Variants in SPTBN5 observed in about 807,000 individuals in gnomAD.
SPTBN5 encodes spectrin beta, non-erythrocytic 5, also known as spectrin beta chain, non-erythrocytic 5.
A neutral mutation model predicts 477.6 loss-of-function variants in SPTBN5; 513 were observed. The ratio of observed to expected loss-of-function variants is 1.07; its 90% confidence interval spans 1.00 to 1.16. The LOEUF (loss-of-function observed/expected upper bound fraction) is 1.16. Among genes scored for constraint, SPTBN5 ranks in the 50% most tolerant of loss-of-function variants. The probability of loss-of-function intolerance (pLI) is 0.00; values close to 1 mark genes in which losing one functional copy is unlikely to be tolerated. For synonymous variants in SPTBN5, 2,169 were observed against 2,011.7 expected, an observed-to-expected ratio of 1.08 and a Z score of -2.09; for missense variants, 5,062 against 4,731.8, an observed-to-expected ratio of 1.07 and a Z score of -2.05.
In SPTBN5 at chr15:41,867,073, GTCCC is replaced by G. The variant is rs2066347543; in HGVS notation, c.6362_6365del (p.Arg2121ProfsTer11). On this transcript the variant is annotated frameshift_variant, in exon 36 of 68. Coordinates refer to ENST00000320955, the MANE Select transcript of SPTBN5 (RefSeq NM_016642.4). LOFTEE classifies it high-confidence loss of function. ...GGCGCTGCAGCAGGATGGGAAGCCGGTCCCGCACCCGGGGGCGCCGGAGCGTCTT... is the reference window on the plus strand; with the variant it reads ...GGCGCTGCAGCAGGATGGGAAGCCGGGCACCCGGGGGCGCCGGAGCGTCTT... The G allele has an allele frequency of 6.5e-7, 1 of 1,548,266 alleles. No homozygotes were observed. Among genetic ancestry groups the G allele is most frequent in the Admixed American group, 2.0e-5 (1 of 51,186 alleles).
At position 41,866,484 on chromosome 15, in the gene SPTBN5, A is replaced by G. The variant is rs554900242; in HGVS notation, c.6490T>C (p.Trp2164Arg). Residue 2164 changes from tryptophan to arginine, a missense_variant, in exon 37 of 68, where the codon TGG (tryptophan) becomes CGG (arginine). Trp to Arg is a moderately radical substitution (Grantham distance 101). Transcript: ENST00000320955. ...AGCTGCTGGGCCCACGCCTGGATCCAGTCCTCAGCCTGGTGGGGGTGGGAC... is the reference window on the plus strand; with the variant it reads ...AGCTGCTGGGCCCACGCCTGGATCCGGTCCTCAGCCTGGTGGGGGTGGGAC... The part of the protein sequence containing the change: ...FTQAATQAED[W>R]IQAWAQQLKE... The G allele has an allele frequency of 6.4e-6, 10 of 1,571,814 alleles. No homozygotes were observed. The African/African-American group carries it at 1.2e-4, about 19-fold the overall frequency.
rs765556273 is a variant in SPTBN5 at position 41,856,615 on chromosome 15, A to G, written c.8809-17T>C. 3 of 1,560,324 alleles carry G rather than the reference A, an allele frequency of 1.9e-6. No individual in the cohort carries two copies. In the South Asian group the frequency reaches 3.5e-5, roughly 18 times the overall value. The stretch of plus-strand genomic sequence containing the variant: ...CTCCAGGTTCTGCGGGGGAGGAGGC[A>G]GGAGGATGCGGATGTTGCTGACCCT... On this transcript the variant is annotated splice_polypyrimidine_tract_variant and intron_variant, in intron 52 of 67. Transcript: ENST00000320955.
Position 41,876,811 on chromosome 15 carries a change from G to A in SPTBN5, c.3849C>T (p.His1283=). Reference sequence around the variant, plus strand: ...CTGCAGACTGAGGCCAGGCTCACGTGTGTGCAGCTGGGTGCTGGCTCTGAA... The same window carrying A: ...CTGCAGACTGAGGCCAGGCTCACGTATGTGCAGCTGGGTGCTGGCTCTGAA... The part of the protein sequence containing the change: ...KLVQSQHPAA[H]TVREQLQSIQ... The change falls in exon 19 of 68, where the codon CAC becomes CAT. Residue 1283 remains histidine, a splice_region_variant and synonymous_variant. Coordinates refer to ENST00000320955, the MANE Select transcript of SPTBN5 (RefSeq NM_016642.4). 6.3e-7 allele frequency: 1 copy of A among 1,597,126 alleles called. No individual in the cohort carries two copies. The highest frequency in any genetic ancestry group is 8.5e-7 in the Non-Finnish European group (1 of 1,175,276).
chr15:41,856,819 G>T, intron 52 of SPTBN5, 34 bp downstream of exon 52: 1 of 1,524,658 alleles, frequency 6.6e-7, no homozygotes, highest in Non-Finnish European at 8.9e-7. Context: ...CCCTGCTCAT[G>T]TGCGAGGCCA....
Position 41,853,346 on chromosome 15 carries a change from T to C in SPTBN5, c.10082A>G (p.Gln3361Arg), listed in dbSNP as rs772380715. The C allele has an allele frequency of 6.2e-7, 1 of 1,612,718 alleles. No individual in the cohort carries two copies. The highest frequency in any genetic ancestry group is 1.7e-5 in the Admixed American group (1 of 60,006). ...TTGAAGGCGGCACTCCCTGATTTCTTGCCCCAGCTCTTCATGCTGCCCAAG... is the reference window on the plus strand; with the variant it reads ...TTGAAGGCGGCACTCCCTGATTTCTCGCCCCAGCTCTTCATGCTGCCCAAG... ...QLLGQHEELGQEIRECRLQAQ... is the reference protein window; with the variant it reads ...QLLGQHEELGREIRECRLQAQ... Residue 3361 changes from glutamine (Q) to arginine (R), a missense_variant, in exon 59 of 68, where the codon CAA (glutamine) becomes CGA (arginine). Physicochemically the swap from Gln to Arg is conservative, Grantham distance 43. Coordinates refer to ENST00000320955, the MANE Select transcript of SPTBN5 (RefSeq NM_016642.4).
At chr15:41,857,174 G>A (rs1030560493) in intron 51 of SPTBN5, 64 bp downstream of exon 51, 2 of 1,534,388 alleles carry the variant, frequency 1.3e-6, no homozygotes, top group African/African-American at 1.4e-5. Flanking sequence ...TCAGTTAAGA[G>A]GGCAGGGGTG....
At chr15:41,882,232 GCCCC>G in intron 11 of SPTBN5, 33 bp downstream of exon 11, 45 of 1,253,964 alleles carry the variant, frequency 3.6e-5, no homozygotes, top group Non-Finnish European at 3.9e-5. Flanking sequence ...GCCTCGCCGG[GCCCC>G]GCCCCCACCC....
At chr15:41,856,748 C>T (rs1427481431) in intron 52 of SPTBN5, 105 bp downstream of exon 52, 1 of 1,361,624 alleles carries the variant, frequency 7.3e-7, no homozygotes, top group Non-Finnish European at 9.8e-7. Context: ...ATCCCAAAAG[C>T]CCCCACAGGC....
At position 41,881,217 on chromosome 15, in the gene SPTBN5, G is replaced by A. The variant is rs1354958437; in HGVS notation, c.2475C>T (p.Ser825=). The part of the protein sequence containing the change: ...ASLFTVNSAL[S]PPGESLRNPG... Reference sequence around the variant, plus strand: ...GGTTCCTCAGGCTTTCTCCTGGAGGGCTCAGGGCAGAGTTCACCTGTGTGA... The same window carrying A: ...GGTTCCTCAGGCTTTCTCCTGGAGGACTCAGGGCAGAGTTCACCTGTGTGA... The change falls in exon 13 of 68, where the codon AGC becomes AGT. Residue 825 remains serine, a synonymous_variant. Transcript: ENST00000320955. 6.2e-7 allele frequency: 1 copy of A among 1,610,216 alleles called. No individual in the cohort carries two copies. Among genetic ancestry groups the A allele is most frequent in the Non-Finnish European group, 8.5e-7 (1 of 1,178,974 alleles).
chr15:41,864,109 T>C (rs1250146128), intron 39 of SPTBN5, 85 bp from the exon 40 acceptor site: 3 of 1,242,776 alleles, frequency 2.4e-6, no homozygotes, highest in Non-Finnish European at 3.4e-6. Flanking sequence ...AAAGCATGCC[T>C]GGGCCCCGGA....
In SPTBN5 at chr15:41,868,199, G is replaced by T; in HGVS notation, c.6077C>A (p.Ala2026Asp). The change falls in exon 34 of 68, where the codon GCC (alanine) becomes GAC (aspartate). Residue 2026 changes from alanine to aspartate, a missense_variant. Physicochemically the swap from Ala to Asp is moderately radical, Grantham distance 126 (BLOSUM62 -2). Coordinates refer to ENST00000320955, the MANE Select transcript of SPTBN5 (RefSeq NM_016642.4). ...PTKEVQEELR[A>D]LQDQRDQVYQ... ...CACCTGGTCCCGCTGGTCCTGCAGG[G>T]CTCGAAGCTCTTCCTGGACCTGGGG... is the stretch of plus-strand genomic sequence containing the variant. The T allele has an allele frequency of 6.3e-7, 1 of 1,581,228 alleles. No individual in the cohort carries two copies. The highest frequency in any genetic ancestry group is 8.6e-7 in the Non-Finnish European group (1 of 1,163,786).
chr15:41,874,412 G>A lies in SPTBN5; in HGVS notation c.4569C>T (p.His1523=). ...GLQLQASVEL[H]QFCHLSNMEL... ...CCATGTTGCTCAGGTGGCAGAACTG[G>A]TGCAGCTCCACTGAGGCCTGCAGCT... The change falls in exon 24 of 68, where the codon CAC becomes CAT. Residue 1523 remains histidine (H), a synonymous_variant. Coordinates refer to ENST00000320955, the MANE Select transcript of SPTBN5 (RefSeq NM_016642.4). The A allele has an allele frequency of 6.2e-7, 1 of 1,613,606 alleles. No homozygotes were observed. Among genetic ancestry groups the A allele is most frequent in the Non-Finnish European group, 8.5e-7 (1 of 1,179,844 alleles).
At chr15:41,891,150 G>C (rs2067298257) in intron 3 of SPTBN5, among the ~76,000 whole-genome samples, 1 of 152,178 alleles carries the variant, frequency 6.6e-6, no homozygotes, top group African/African-American at 2.4e-5. Context: ...CGATCCCCTT[G>C]CCCTGCTCAA....
chr15:41,876,649 TGGAGGGCGGGGGGGGGTTGGA>T lies in SPTBN5; in HGVS notation c.3852-23_3852-3del. The T allele has an allele frequency of 4.1e-6, 2 of 488,402 alleles. No homozygotes were observed. Among genetic ancestry groups the T allele is most frequent in the Non-Finnish European group, 6.7e-6 (2 of 298,612 alleles). 30.3% of individuals were successfully genotyped at this position (488,402 alleles called of 1,614,324 possible). On this transcript the variant is annotated splice_polypyrimidine_tract_variant and splice_region_variant and intron_variant, in intron 19 of 67. Transcript: ENST00000320955. The stretch of plus-strand genomic sequence containing the variant: ...ATACTCTGCAGCTGCTCTCTGACCC[TGGAGGGCGGGGGGGGGTTGGA>T]GGAGGGCATGGGAGAGGACTCCCAC...
In SPTBN5 at chr15:41,853,660, G is replaced by A. The variant is rs561209581; in HGVS notation, c.9902C>T (p.Ala3301Val). ...KVQEAWATLQ[A>V]KAQERGQWLA... ...CCACTGGCCTCGCTCCTGGGCCTTC[G>A]CCTGCAGGGTGGCCCAGGCCTCCTG... Residue 3301 changes from alanine (A) to valine (V), a missense_variant, in exon 58 of 68, where the codon GCG becomes GTG. By Grantham distance (64) the Ala-to-Val change is moderately conservative. Coordinates refer to ENST00000320955, the MANE Select transcript of SPTBN5 (RefSeq NM_016642.4). 16 of 1,599,168 alleles carry A rather than the reference G, an allele frequency of 1.0e-5. 1 individual carries two copies. Among genetic ancestry groups the A allele is most frequent in the East Asian group, 6.7e-5 (3 of 44,612 alleles).
chr15:41,852,421 G>A (rs1022265748), intron 61 of SPTBN5, 105 bp from the exon 62 acceptor site: 2 of 1,429,224 alleles, frequency 1.4e-6, no homozygotes, highest in Non-Finnish European at 1.9e-6. Context: ...GTCAGAGGGG[G>A]CCTGCCTCCC....
chr15:41,882,167 G>A (rs1032178485), intron 11 of SPTBN5, 22 bp from the exon 12 acceptor site: 1 of 1,549,714 alleles, frequency 6.5e-7, no homozygotes, highest in East Asian at 2.4e-5. Context: ...GGTCGGGGGT[G>A]GTGTGGGTGA....
chr15:41,869,908 T>G lies in SPTBN5; in HGVS notation c.5786A>C (p.Gln1929Pro), dbSNP rs1199400451. The G allele has an allele frequency of 3.2e-6, 5 of 1,552,780 alleles. No individual in the cohort carries two copies. Among genetic ancestry groups the G allele is most frequent in the Non-Finnish European group, 3.5e-6 (4 of 1,150,802 alleles). ...GGCCCTGCGCTGCTCCATGCGTCGC[T>G]GCAGCACTGCCCACGCCTGCGTCAC... ...QAVTQAWAVL[Q>P]RRMEQRRAQL... Residue 1929 changes from glutamine (Q) to proline (P), a missense_variant, in exon 32 of 68, where the codon CAG (glutamine) becomes CCG (proline). Gln to Pro is a moderately conservative substitution (Grantham distance 76). Coordinates refer to ENST00000320955, the MANE Select transcript of SPTBN5 (RefSeq NM_016642.4).
In SPTBN5 at chr15:41,862,555, T is replaced by C; in HGVS notation, c.7369A>G (p.Ser2457Gly). The C allele has an allele frequency of 1.9e-6, 3 of 1,567,038 alleles. No individual in the cohort carries two copies. Among genetic ancestry groups the C allele is most frequent in the Non-Finnish European group, 2.6e-6 (3 of 1,156,390 alleles). ...GGTTCATACCGCTTCTGGGCCCTGCTCCGGAGCTGCCACCAGCTCTCAGCC... is the reference window on the plus strand; with the variant it reads ...GGTTCATACCGCTTCTGGGCCCTGCCCCGGAGCTGCCACCAGCTCTCAGCC... ...EVAESWWQLR[S>G]RAQKRREALD... Residue 2457 changes from serine (S) to glycine (G), a missense_variant, in exon 43 of 68, where the codon AGC (serine) becomes GGC (glycine). Coordinates refer to ENST00000320955, the MANE Select transcript of SPTBN5 (RefSeq NM_016642.4).
Sources: gnomAD v4.1 joint callset for allele counts (sites outside exome capture counted in the v4.1 genomes callset) on GRCh38, gnomAD v4.1.1 for gene constraint, MANE v1.5 for transcripts, NCBI Gene and HGNC (gene_info 2026-07-23, HGNC 2026-07-21) for gene names.